Variants in DOCK7 observed in about 807,000 individuals in gnomAD.
The protein encoded by DOCK7 is dedicator of cytokinesis 7, also known as dedicator of cytokinesis protein 7.
Under a neutral mutation model 271.0 loss-of-function variants are expected in DOCK7, and 138 were observed. The ratio of observed to expected loss-of-function variants is 0.51; its 90% CI spans 0.44 to 0.59. The LOEUF is 0.59. Among genes scored for constraint, DOCK7 ranks in the 20% least tolerant of loss-of-function variants. DOCK7 has a pLI of 0.00. For missense variants in DOCK7, 2,066 were observed against 2,592.4 expected (o/e 0.80, Z 4.41); for synonymous variants, 823 against 876.1 (o/e 0.94, Z 1.07).
In DOCK7 at chr1:62,475,862, A is replaced by G. The variant is rs773938528; in HGVS notation, c.5806T>C (p.Tyr1936His). Reference sequence around the variant, plus strand: ...CAGTACATGAATCGACGAAGATTGTAATTTTTGTCGAAATAGGTGATTCTG... The same window carrying G: ...CAGTACATGAATCGACGAAGATTGTGATTTTTGTCGAAATAGGTGATTCTG... ...KDRITYFDKN[Y>H]NLRRFMYCTP... Residue 1936 changes from tyrosine (Y) to histidine (H), a missense_variant, in exon 46 of 50, where the codon TAC (tyrosine) becomes CAC (histidine). Tyr to His is a moderately conservative substitution (Grantham distance 83, BLOSUM62 2). Around this residue, in one of 2 missense-constraint regions of DOCK7, gnomAD observed 652 missense variants for 922.1 expected, o/e 0.71. Coordinates refer to ENST00000635253, the MANE Select transcript of DOCK7 (RefSeq NM_001367561.1). 1.2e-6 allele frequency: 2 copies of G among 1,614,098 alleles called. No individual in the cohort carries two copies. The highest frequency in any genetic ancestry group is 1.7e-6 in the Non-Finnish European group (2 of 1,179,956).
At chr1:62,687,975 G>A (rs1036296962) in intron 1 of DOCK7, among the ~76,000 whole-genome samples, 9 of 151,818 alleles carry the variant, frequency 5.9e-5, no homozygotes, top group Non-Finnish European at 1.3e-4. Context: ...GGGCGCGCTG[G>A]AGTCCGCGGC....
At position 62,583,234 on chromosome 1, in the gene DOCK7, G is replaced by C; in HGVS notation, c.1821C>G (p.Ser607Arg). The C allele has an allele frequency of 6.2e-7, 1 of 1,613,094 alleles. No homozygotes were observed. Among genetic ancestry groups the C allele is most frequent in the Non-Finnish European group, 8.5e-7 (1 of 1,179,450 alleles). ...NAMPVIFGKS[S>R]CSEFSKEAYT... ...AGGCTTCCTTTGAAAATTCTGAACA[G>C]CTAGATTTACCAAAGATTACCTGAA... The change falls in exon 16 of 50, where the codon AGC becomes AGG. Residue 607 changes from serine (S) to arginine (R), a missense_variant. Ser to Arg is a moderately radical substitution (Grantham distance 110). Coordinates refer to ENST00000635253, the MANE Select transcript of DOCK7 (RefSeq NM_001367561.1).
At chr1:62,468,112 G>A (rs1267177367) in intron 48 of DOCK7, among the ~76,000 whole-genome samples, 2 of 152,114 alleles carry the variant, frequency 1.3e-5, no homozygotes, top group East Asian at 3.9e-4. Flanking sequence ...TGTAATTCCA[G>A]CACTTTGGGA....
chr1:62,462,113 T>G (rs1192013963), intron 48 of DOCK7, among the ~76,000 whole-genome samples: 3 of 151,570 alleles, frequency 2.0e-5, no homozygotes, highest in Non-Finnish European at 4.4e-5. Flanking sequence ...CATTATATAC[T>G]AAAGAATAAA....
chr1:62,668,444 T>G (rs1007092568), intron 1 of DOCK7, among the ~76,000 whole-genome samples: 1 of 152,182 alleles, frequency 6.6e-6, no homozygotes, highest in African/African-American at 2.4e-5. Context: ...AAAATATATT[T>G]TGGGGGATGA....
intron 48 of DOCK7, among the ~76,000 whole-genome samples, chr1:62,460,638 CA>C (rs1645496475): frequency 8.7e-6 from 1 of 115,496 alleles, no homozygotes; most frequent in Non-Finnish European, 1.9e-5. Context: ...CACACACACA[CA>C]CCCTCCAAGT....
At position 62,539,788 on chromosome 1, in the gene DOCK7, G is replaced by A. The variant is rs139116748; in HGVS notation, c.3150C>T (p.Ser1050=). 4.3e-6 allele frequency: 7 copies of A among 1,613,232 alleles called. No individual in the cohort carries two copies. In the African/African-American group the frequency reaches 9.3e-5, roughly 22 times the overall value. Residue 1050 remains serine (S), a synonymous_variant, in exon 26 of 50, where the codon AGC becomes AGT. Transcript: ENST00000635253. Reference sequence around the variant, plus strand: ...GTGAAACTATATCACTAGCAATCGTGCTGACAAGAGCTGCAATGTCATCCA... The same window carrying A: ...GTGAAACTATATCACTAGCAATCGTACTGACAAGAGCTGCAATGTCATCCA... The part of the protein sequence containing the change: ...RFMDDIAALV[S]TIASDIVSRF...
rs145905172 is a variant in DOCK7 at position 62,654,022 on chromosome 1, C to T, written c.282G>A (p.Arg94=). ...PDDIEVVYSP[R]DCRTLVSAVP... is the part of the protein sequence containing the mutation. ...CAGCTGAAACAAGAGTTCTGCAGTC[C>T]CGAGGACTATAAACAACTTCAATAT... The change falls in exon 3 of 50, where the codon CGG becomes CGA. Residue 94 remains arginine (R), a synonymous_variant. Transcript: ENST00000635253. 6.2e-7 allele frequency: 1 copy of T among 1,613,800 alleles called. No homozygotes were observed. Among genetic ancestry groups the T allele is most frequent in the Non-Finnish European group, 8.5e-7 (1 of 1,179,878 alleles).
intron 34 of DOCK7, among the ~76,000 whole-genome samples, chr1:62,509,846 G>T (rs1644430649): frequency 1.3e-5 from 2 of 152,218 alleles, no homozygotes; most frequent in South Asian, 4.2e-4. Flanking sequence ...CTCAGATAGG[G>T]TAATCAATCA....
At chr1:62,563,863 C>CAAAAAAAAAA (rs71045848) in intron 18 of DOCK7, among the ~76,000 whole-genome samples, 1 of 38,816 alleles carries the variant, frequency 2.6e-5, no homozygotes, top group African/African-American at 1.0e-4. Context: ...ATTTACCAAG[C>CAAAAAAAAAA]AAAAAAAAAA....
At chr1:62,647,931 T>C (rs1656873983) in intron 6 of DOCK7, among the ~76,000 whole-genome samples, 155 bp from the exon 7 acceptor site, 1 of 152,184 alleles carries the variant, frequency 6.6e-6, no homozygotes, top group South Asian at 2.1e-4. Context: ...AGTCATTTGA[T>C]TATAACTTAC....
intron 1 of DOCK7, among the ~76,000 whole-genome samples, chr1:62,684,028 T>C (rs1001104472): frequency 3.3e-5 from 5 of 151,880 alleles, no homozygotes; most frequent in African/African-American, 4.8e-5. Flanking sequence ...TCACCTGAGG[T>C]CAGGAGTTCG....
At chr1:62,586,369 T>C (rs915941832) in intron 15 of DOCK7, 138 bp downstream of exon 15, 2 of 612,510 alleles carry the variant, frequency 3.3e-6, no homozygotes, top group African/African-American at 3.7e-5. Context: ...TTACTATCTA[T>C]ACAGAAAGTA....
intron 18 of DOCK7, among the ~76,000 whole-genome samples, chr1:62,567,716 G>C (rs1646568863): frequency 6.7e-6 from 1 of 148,850 alleles, no homozygotes; most frequent in African/African-American, 2.5e-5. Context: ...TAAATAAAAA[G>C]AAATTCAACA....
intron 18 of DOCK7, among the ~76,000 whole-genome samples, chr1:62,565,786 T>C (rs1472142450): frequency 6.6e-6 from 1 of 152,196 alleles, no homozygotes; most frequent in African/African-American, 2.4e-5. Context: ...GCAGATGACA[T>C]GATTGTATTT....
At chr1:62,607,121 G>A (rs574117572) in intron 14 of DOCK7, among the ~76,000 whole-genome samples, 44 of 152,180 alleles carry the variant, frequency 2.9e-4, no homozygotes, top group African/African-American at 8.7e-4. Context: ...CAGGAGAATC[G>A]CTTGAACCCA....
chr1:62,683,991 G>A (rs1661453026), intron 1 of DOCK7, among the ~76,000 whole-genome samples: 2 of 152,048 alleles, frequency 1.3e-5, no homozygotes, highest in Admixed American at 6.5e-5. Context: ...TGTAATCCTA[G>A]CACTTTGGGA....
intron 1 of DOCK7, among the ~76,000 whole-genome samples, chr1:62,670,152 C>A (rs1003426902): frequency 6.6e-6 from 1 of 152,224 alleles, no homozygotes; most frequent in African/African-American, 2.4e-5. Flanking sequence ...ACCTGCAGCC[C>A]GCCATGCCTG....
chr1:62,604,594 G>A lies in DOCK7; in HGVS notation c.1682+14112C>T, dbSNP rs559787451. The A allele has an allele frequency of 1.3e-4, 210 of 1,568,036 alleles. No individual in the cohort carries two copies. In the South Asian group the frequency reaches 2.1e-3, roughly 15 times the overall value. On this transcript the variant is annotated intron_variant, in intron 14 of 49. Transcript: ENST00000635253. ...AAATACAGTAACAGTAACTACATAC[G>A]AGTCTGTACCCATTAAATTGCATAT...
Sources: gnomAD v4.1 joint callset for allele counts (sites outside exome capture counted in the v4.1 genomes callset) on GRCh38, gnomAD v4.1.1 for gene constraint, gnomAD v4.1.1 regional missense constraint, MANE v1.5 for transcripts, NCBI Gene and HGNC (gene_info 2026-07-23, HGNC 2026-07-21) for gene names.